The following MARK1 variants were observed in gnomAD, a reference collection of about 807,000 sequenced individuals.
The protein encoded by MARK1 is microtubule affinity regulating kinase 1.
In MARK1, 40 loss-of-function variants were observed where a neutral mutation model predicts 96.3. The observed-to-expected ratio is 0.42, with a 90% CI of 0.32 to 0.54. The LOEUF is 0.54. MARK1 is among the 20% of genes least tolerant of loss of function. The pLI, the probability that MARK1 is intolerant of heterozygous loss-of-function variation, is 0.16. For missense variants in MARK1, 719 were observed against 984.6 expected, an observed-to-expected ratio of 0.73 and a Z score of 3.61; for synonymous variants, 317 against 341.2, an observed-to-expected ratio of 0.93 and a Z score of 0.78.
At chr1:220,622,352 C>T (rs372172740) in intron 9 of MARK1, among the ~76,000 whole-genome samples, 28 of 152,092 alleles carry the variant, frequency 1.8e-4, no homozygotes, top group Admixed American at 2.6e-4. Context: ...CTCTCTTTGT[C>T]GTCATTGGTC....
At chr1:220,598,223 C>T (rs1482120556) in intron 3 of MARK1, 108 bp from the exon 4 acceptor site, 2 of 390,788 alleles carry the variant, frequency 5.1e-6, no homozygotes, top group Admixed American at 3.2e-5. Flanking sequence ...TGCCAGAATC[C>T]TGTAGCATTT....
chr1:220,570,110 T>A (rs554339674), intron 1 of MARK1, among the ~76,000 whole-genome samples: 1 of 152,206 alleles, frequency 6.6e-6, no homozygotes, highest in South Asian at 2.1e-4. Flanking sequence ...AAAATTAATT[T>A]AAAAATTTGG....
chr1:220,650,484 G>A, intron 13 of MARK1, 136 bp from the exon 14 acceptor site: 1 of 588,548 alleles, frequency 1.7e-6, no homozygotes. Context: ...AGAGAGGCAG[G>A]GGATAATCTT....
intron 6 of MARK1, among the ~76,000 whole-genome samples, chr1:220,609,957 A>C (rs189715011): frequency 1.3e-5 from 2 of 152,232 alleles, no homozygotes; most frequent in Non-Finnish European, 2.9e-5. Flanking sequence ...AGGTAACTCA[A>C]CCTTTCTCTC....
At position 220,650,609 on chromosome 1, in the gene MARK1, T is replaced by A. The variant is rs41308437; in HGVS notation, c.1471-11T>A. On this transcript the variant is annotated splice_polypyrimidine_tract_variant and intron_variant, in intron 13 of 17. Transcript: ENST00000366917. The stretch of plus-strand genomic sequence containing the variant: ...TATAATTTTTTAATTGCCTTTTTTT[T>A]ATTCTTGAAGAACAATGTGTATTCT... 8.8e-3 allele frequency: 13,574 copies of A among 1,543,336 alleles called. 79 individuals carry two copies. Among genetic ancestry groups the A allele is most frequent in the Non-Finnish European group, 0.011 (12,022 of 1,123,484 alleles).
At chr1:220,629,780 G>C (rs1667566187) in intron 9 of MARK1, among the ~76,000 whole-genome samples, 2 of 152,092 alleles carry the variant, frequency 1.3e-5, no homozygotes, top group South Asian at 4.1e-4. Flanking sequence ...ACATATAACA[G>C]GATTTTTTTT....
chr1:220,636,096 A>G (rs1667947910), intron 13 of MARK1, 70 bp downstream of exon 13: 1 of 1,137,048 alleles, frequency 8.8e-7, no homozygotes, highest in Non-Finnish European at 1.2e-6. Flanking sequence ...TAAAATTTTT[A>G]TCTTTCATTT....
At chr1:220,533,476 G>A (rs558718650) in intron 1 of MARK1, among the ~76,000 whole-genome samples, 5 of 152,090 alleles carry the variant, frequency 3.3e-5, no homozygotes, top group African/African-American at 1.2e-4. Context: ...TCCTTTGGGT[G>A]TCATTTTCTC....
At chr1:220,566,980 T>A (rs1432581105) in intron 1 of MARK1, among the ~76,000 whole-genome samples, 1 of 152,132 alleles carries the variant, frequency 6.6e-6, no homozygotes, top group African/African-American at 2.4e-5. Flanking sequence ...TACATGAAAA[T>A]TTTAAAAGTT....
intron 1 of MARK1, among the ~76,000 whole-genome samples, chr1:220,560,285 A>G (rs533940570): frequency 5.9e-5 from 9 of 152,240 alleles, no homozygotes; most frequent in Non-Finnish European, 1.0e-4. Context: ...AACCATATGA[A>G]AGATCCCCCC....
intron 1 of MARK1, among the ~76,000 whole-genome samples, chr1:220,568,473 G>A (rs1056926043): frequency 2.0e-5 from 3 of 152,146 alleles, no homozygotes; most frequent in African/African-American, 7.2e-5. Flanking sequence ...GGGCATAGTA[G>A]TAAATGAGGG....
Position 220,618,383 on chromosome 1 carries a change from T to C in MARK1, c.626T>C (p.Val209Ala). 1.2e-6 allele frequency: 2 copies of C among 1,614,168 alleles called. No individual in the cohort carries two copies. The highest frequency in any genetic ancestry group is 1.7e-6 in the Non-Finnish European group (2 of 1,180,008). The change falls in exon 8 of 18, where the codon GTT becomes GCT. Residue 209 changes from valine (V) to alanine (A), a missense_variant. Around this residue, in one of 4 missense-constraint regions of MARK1, gnomAD observed 96 missense variants for 213.1 expected, o/e 0.45. Coordinates refer to ENST00000366917, the MANE Select transcript of MARK1 (RefSeq NM_018650.5). The surrounding 1 kb of genome is among the most constrained non-coding windows in gnomAD (Gnocchi z 4.6). ...TTTGGTTTTAGTAATGAATTTACAG[T>C]TGGGAACAAATTGGACACATTTTGT... ...ADFGFSNEFTVGNKLDTFCGS... is the reference protein window; with the variant it reads ...ADFGFSNEFTAGNKLDTFCGS...
At chr1:220,585,702 C>T (rs897454549) in intron 3 of MARK1, among the ~76,000 whole-genome samples, 2 of 152,154 alleles carry the variant, frequency 1.3e-5, no homozygotes, top group African/African-American at 4.8e-5. Flanking sequence ...AGCTCAACAA[C>T]CTAGAATTTC....
At chr1:220,590,014 T>A (rs1459851515) in intron 3 of MARK1, among the ~76,000 whole-genome samples, 3 of 152,210 alleles carry the variant, frequency 2.0e-5, no homozygotes. Flanking sequence ...GATTGGCACC[T>A]TGCTGATGAG....
intron 1 of MARK1, among the ~76,000 whole-genome samples, chr1:220,537,776 A>G (rs1445994399): frequency 6.6e-6 from 1 of 151,552 alleles, no homozygotes; most frequent in African/African-American, 2.4e-5. Flanking sequence ...AATGATTGCC[A>G]TTCTAACTGG....
chr1:220,606,205 T>C (rs1666067524), intron 6 of MARK1, among the ~76,000 whole-genome samples: 1 of 152,166 alleles, frequency 6.6e-6, no homozygotes, highest in Non-Finnish European at 1.5e-5. Flanking sequence ...ATGATTGCCA[T>C]TTTAACCATT....
At chr1:220,639,281 A>G (rs1313184422) in intron 13 of MARK1, among the ~76,000 whole-genome samples, 1 of 152,116 alleles carries the variant, frequency 6.6e-6, no homozygotes, top group Non-Finnish European at 1.5e-5. Context: ...AAAAATAAAA[A>G]TAAAAATAAA....
At chr1:220,634,626 T>C (rs1667847392) in intron 11 of MARK1, among the ~76,000 whole-genome samples, 1 of 152,216 alleles carries the variant, frequency 6.6e-6, no homozygotes, top group African/African-American at 2.4e-5. Context: ...ATTAGCTGTT[T>C]ATTATCATCG....
Position 220,554,434 on chromosome 1 carries a change from G to A in MARK1, c.52-24920G>A, listed in dbSNP as rs116355117. ...TTGGAGTACTACTGGCATCTGCTGAGTAGAGGCTAGGGATGCTGTTACACT... is the reference window on the plus strand; with the variant it reads ...TTGGAGTACTACTGGCATCTGCTGAATAGAGGCTAGGGATGCTGTTACACT... On this transcript the variant is annotated intron_variant, in intron 1 of 17. Transcript: ENST00000366917. Among the ~76,000 whole-genome samples, 1,309 of 152,326 alleles carry A rather than the reference G, an allele frequency of 8.6e-3. 16 individuals are homozygous for A. Among genetic ancestry groups the A allele is most frequent in the African/African-American group, 0.029 (1,197 of 41,562 alleles).
Sources: allele counts gnomAD v4.1 joint callset (sites outside exome capture counted in the v4.1 genomes callset), GRCh38; gene constraint gnomAD v4.1.1; regional missense constraint gnomAD v4.1.1; non-coding constraint Gnocchi (gnomAD v3.1); transcripts MANE v1.5; gene names NCBI Gene and HGNC (gene_info 2026-07-23, HGNC 2026-07-21).